RRP8: variants seen among roughly 807,000 people sequenced by gnomAD.
RRP8 encodes the protein ribosomal RNA-processing protein 8.
A neutral mutation model predicts 45.0 loss-of-function variants in RRP8; 48 were observed. The observed-to-expected ratio is 1.07, with a 90% confidence interval of 0.85 to 1.36. The LOEUF (loss-of-function observed/expected upper bound fraction) is 1.36, where lower values mean the gene tolerates loss of function less well. Among genes scored for constraint, RRP8 ranks in the 40% most tolerant of loss-of-function variants. RRP8 has a pLI of 0.00. For missense variants in RRP8, 658 were observed against 573.7 expected, an observed-to-expected ratio of 1.15 and a Z score of -1.50; for synonymous variants, 274 against 212.4, an observed-to-expected ratio of 1.29 and a Z score of -2.52.
rs1017412777 is a variant in RRP8, at chr11:6,600,471, T to A, written c.1251+15A>T. On this transcript the variant is annotated intron_variant, in intron 6 of 6. Coordinates refer to ENST00000254605, the MANE Select transcript of RRP8 (RefSeq NM_015324.4). ...CATGAGACAAAAACAGGTACAGATG[T>A]CTTGGGGCCCTCACCTTGGAGACAA... is the stretch of plus-strand genomic sequence containing the variant. The A allele has an allele frequency of 1.2e-6, 2 of 1,611,566 alleles. No individual in the cohort carries two copies. The highest frequency in any genetic ancestry group is 1.7e-6 in the Non-Finnish European group (2 of 1,178,724).
Position 6,601,538 on chromosome 11 carries a change from G to A in RRP8, c.528C>T (p.Ser176=), listed in dbSNP as rs770979413. Residue 176 remains serine, a synonymous_variant, in exon 3 of 7, where the codon TCC becomes TCT. Coordinates refer to ENST00000254605, the MANE Select transcript of RRP8 (RefSeq NM_015324.4). ...GGCTTAATGTATGAGGGGGTTTAGG[G>A]GAAGTGGACCCAGGGCTTTGCTTTG... ...DPPKQSPGST[S]PKPPHTLSRK... The A allele has an allele frequency of 6.2e-7, 1 of 1,609,042 alleles. No homozygotes were observed. The highest frequency in any genetic ancestry group is 8.5e-7 in the Non-Finnish European group (1 of 1,180,000).
chr11:6,602,140 G>C lies in RRP8; in HGVS notation c.175C>G (p.Leu59Val), dbSNP rs1854405866. The change falls in exon 2 of 7, where the codon CTA (leucine) becomes GTA (valine). Residue 59 changes from leucine (L) to valine (V), a missense_variant. Transcript: ENST00000254605. ...AASLSQHPPS[L>V]CISDSEEEEE... ...TCCTCCTCAGAGTCACTTATACATA[G>C]GCTGGGGGGATGCTGGGAAAGAGAT... 1.9e-6 allele frequency: 3 copies of C among 1,607,158 alleles called. No individual in the cohort carries two copies. Among genetic ancestry groups the C allele is most frequent in the Non-Finnish European group, 2.6e-6 (3 of 1,175,402 alleles).
chr11:6,600,142 G>T lies in RRP8; in HGVS notation c.*4C>A. Reference sequence around the variant, plus strand: ...TGCCTCCCCTTTCAAGGAAGATCCAGAGGTCACCTGCGCTTGTAGAGACAT... The same window carrying T: ...TGCCTCCCCTTTCAAGGAAGATCCATAGGTCACCTGCGCTTGTAGAGACAT... On this transcript the variant is annotated 3_prime_UTR_variant, in exon 7 of 7. Transcript: ENST00000254605. 1 of 1,562,196 alleles carries T rather than the reference G, an allele frequency of 6.4e-7. No individual in the cohort carries two copies. Among genetic ancestry groups the T allele is most frequent in the South Asian group, 1.2e-5 (1 of 84,778 alleles).
At chr11:6,603,298 T>C in intron 1 of RRP8, 106 bp downstream of exon 1, 1 of 786,470 alleles carries the variant, frequency 1.3e-6, no homozygotes, top group Non-Finnish European at 2.1e-6. Context: ...GACTCGCCCT[T>C]AACGGTGCCA....
chr11:6,602,228 A>G lies in RRP8; in HGVS notation c.100-13T>C, dbSNP rs771840379. 1.3e-6 allele frequency: 2 copies of G among 1,534,518 alleles called. No individual in the cohort carries two copies. The highest frequency in any genetic ancestry group is 1.7e-6 in the Non-Finnish European group (2 of 1,147,174). On this transcript the variant is annotated splice_polypyrimidine_tract_variant and intron_variant, in intron 1 of 6. Coordinates refer to ENST00000254605, the MANE Select transcript of RRP8 (RefSeq NM_015324.4). Reference sequence around the variant, plus strand: ...GGCGCTTGGAGCCCTGGAGGAAAACAGGGGATGACAGTGGGCCTAAAGAGA... The same window carrying G: ...GGCGCTTGGAGCCCTGGAGGAAAACGGGGGATGACAGTGGGCCTAAAGAGA...
Position 6,595,527 on chromosome 11 carries a change from G to A in RRP8, c.*4619C>T, listed in dbSNP as rs1168682583. ...ACCAATGCCAAATCACCTAACTCCAGGTTATATGACAAAAAAAAACATCTG... is the reference window on the plus strand; with the variant it reads ...ACCAATGCCAAATCACCTAACTCCAAGTTATATGACAAAAAAAAACATCTG... On this transcript the variant is annotated 3_prime_UTR_variant, in exon 7 of 7. Coordinates refer to ENST00000254605, the MANE Select transcript of RRP8 (RefSeq NM_015324.4). 5 of 151,802 alleles carry A rather than the reference G, an allele frequency of 3.3e-5. No homozygotes were observed. The highest frequency in any genetic ancestry group is 1.2e-4 in the African/African-American group (5 of 41,246). The allele number at this position is 151,802 out of a possible 1,614,324, so 9.4% of individuals were successfully genotyped here.
rs745763444 is a variant in RRP8, at chr11:6,599,563, G to A, written c.*583C>T. ...AATGGAGATGAGGGGAGAGGGGAAAGATAAACCACTAGAAATGCTCGGTAT... is the reference window on the plus strand; with the variant it reads ...AATGGAGATGAGGGGAGAGGGGAAAAATAAACCACTAGAAATGCTCGGTAT... On this transcript the variant is annotated 3_prime_UTR_variant, in exon 7 of 7. Transcript: ENST00000254605. 1 of 152,296 alleles carries A rather than the reference G, an allele frequency of 6.6e-6. No homozygotes were observed. 9.4% of individuals were successfully genotyped at this position (152,296 alleles called of 1,614,324 possible).
chr11:6,601,589 C>A lies in RRP8; in HGVS notation c.477G>T (p.Trp159Cys). The stretch of plus-strand genomic sequence containing the variant: ...GTGGATCATTTGTAGTACTACCCTT[C>A]CAGGCTTTGGGACCTACAGGGAGGG... ...DNVDQTGPKA[W>C]KGSTTNDPPK... Residue 159 changes from tryptophan (W) to cysteine (C), a missense_variant, in exon 3 of 7, where the codon TGG becomes TGT. Trp to Cys is a radical substitution (Grantham distance 215). Transcript: ENST00000254605. The A allele has an allele frequency of 6.2e-7, 1 of 1,600,214 alleles. No homozygotes were observed. Among genetic ancestry groups the A allele is most frequent in the Non-Finnish European group, 8.5e-7 (1 of 1,179,048 alleles).
In RRP8 at chr11:6,600,989, G is replaced by C. The variant is rs1564835412; in HGVS notation, c.984C>G (p.Asn328Lys). Reference protein sequence around the residue: ...GDCRLASSIRNPVHCFDLASL... With the variant: ...GDCRLASSIRKPVHCFDLASL... ...AAGCCAAGTCAAAGCAATGCACAGG[G>C]TTCCGGATACTTGAAGCCAAGCGGC... Residue 328 changes from asparagine (N) to lysine (K), a missense_variant, in exon 4 of 7, where the codon AAC becomes AAG. Physicochemically the swap from Asn to Lys is moderately conservative, Grantham distance 94. Coordinates refer to ENST00000254605, the MANE Select transcript of RRP8 (RefSeq NM_015324.4). 6.2e-7 allele frequency: 1 copy of C among 1,614,090 alleles called. No individual in the cohort carries two copies. Among genetic ancestry groups the C allele is most frequent in the South Asian group, 1.1e-5 (1 of 91,092 alleles).
chr11:6,603,080 G>A (rs542081916), intron 1 of RRP8, among the ~76,000 whole-genome samples: 1 of 152,286 alleles, frequency 6.6e-6, no homozygotes, highest in South Asian at 2.1e-4. Flanking sequence ...AACTTGAACA[G>A]CATATATGCC....
chr11:6,601,966 G>A lies in RRP8; in HGVS notation c.349C>T (p.His117Tyr), dbSNP rs1854393051. ...EEEVERKKKC[H>Y]KQALVGSDSA... is the part of the protein sequence containing the mutation. ...TCACTGCCAACAAGAGCCTGTTTGT[G>A]GCATTTCTTCTTCCTTTCTACTTCT... is the stretch of plus-strand genomic sequence containing the variant. The change falls in exon 2 of 7, where the codon CAC (histidine) becomes TAC (tyrosine). Residue 117 changes from histidine (H) to tyrosine (Y), a missense_variant. Transcript: ENST00000254605. 3 of 1,614,176 alleles carry A rather than the reference G, an allele frequency of 1.9e-6. No individual in the cohort carries two copies. Among genetic ancestry groups the A allele is most frequent in the Non-Finnish European group, 1.7e-6 (2 of 1,180,036 alleles).
In RRP8 at chr11:6,597,508, A is replaced by G. The variant is rs1162584250; in HGVS notation, c.*2638T>C. 6.7e-6 allele frequency: 1 copy of G among 150,100 alleles called. No individual in the cohort carries two copies. Among genetic ancestry groups the G allele is most frequent in the Non-Finnish European group, 1.5e-5 (1 of 67,892 alleles). 9.3% of individuals were successfully genotyped at this position (150,100 alleles called of 1,614,324 possible). ...AACAGGCCCTCCACATTACTCAGCA[A>G]TCCTTACCCCACTGCATTCTGAGTT... On this transcript the variant is annotated 3_prime_UTR_variant, in exon 7 of 7. Coordinates refer to ENST00000254605, the MANE Select transcript of RRP8 (RefSeq NM_015324.4).
At chr11:6,601,780 C>T in intron 2 of RRP8, 72 bp downstream of exon 2, 1 of 1,508,790 alleles carries the variant, frequency 6.6e-7, no homozygotes. Context: ...GATAATCACT[C>T]TTGTATGTAG....
In RRP8 at chr11:6,601,422, G is replaced by A; in HGVS notation, c.644C>T (p.Ala215Val). The change falls in exon 3 of 7, where the codon GCC becomes GTC. Residue 215 changes from alanine to valine, a missense_variant. Ala to Val is a moderately conservative substitution (Grantham distance 64). Transcript: ENST00000254605. ...AGACACCTCTGTCTTCTCTGTGGGGGCCTCAGCTGGGGCCTGGTCTGGCAC... is the reference window on the plus strand; with the variant it reads ...AGACACCTCTGTCTTCTCTGTGGGGACCTCAGCTGGGGCCTGGTCTGGCAC... Reference protein sequence around the residue: ...PQVPDQAPAEAPTEKTEVSPV... With the variant: ...PQVPDQAPAEVPTEKTEVSPV... 1 of 1,614,178 alleles carries A rather than the reference G, an allele frequency of 6.2e-7. No individual in the cohort carries two copies.
Position 6,597,165 on chromosome 11 carries a change from A to C in RRP8, c.*2981T>G, listed in dbSNP as rs1854240493. 6.6e-6 allele frequency: 1 copy of C among 152,180 alleles called. No homozygotes were observed. Among genetic ancestry groups the C allele is most frequent in the South Asian group, 2.1e-4 (1 of 4,818 alleles). The allele number at this position is 152,180 out of a possible 1,614,324, so 9.4% of individuals were successfully genotyped here. A position where few individuals can be genotyped will look rare whatever the true frequency, so the allele number is the denominator to read the frequency against. ...GCCCCAGCTAAGTCTAGGAGCCTGC[A>C]CTGGGAAAGGGAGGAGTGATTGGTA... On this transcript the variant is annotated 3_prime_UTR_variant, in exon 7 of 7. Transcript: ENST00000254605.
Position 6,600,601 on chromosome 11 carries a change from T to C in RRP8, c.1155-19A>G, listed in dbSNP as rs761486542. 1 of 1,613,222 alleles carries C rather than the reference T, an allele frequency of 6.2e-7. No individual in the cohort carries two copies. Among genetic ancestry groups the C allele is most frequent in the South Asian group, 1.1e-5 (1 of 91,046 alleles). ...GAGACCCCTGAGAAAGACAGAAAGT[T>C]CTGTGTAAGTGCACAGACTCATGCA... On this transcript the variant is annotated intron_variant, in intron 5 of 6. Transcript: ENST00000254605.
rs780699136 is a variant in RRP8, at chr11:6,600,748, C to T, written c.1075G>A (p.Val359Met). 3.2e-5 allele frequency: 52 copies of T among 1,613,976 alleles called. No individual in the cohort carries two copies. Among genetic ancestry groups the T allele is most frequent in the Non-Finnish European group, 4.2e-5 (49 of 1,180,016 alleles). ...QVPLEDESVDVAVFCLSLMGT... is the reference protein window; with the variant it reads ...QVPLEDESVDMAVFCLSLMGT... Reference sequence around the variant, plus strand: ...ATCAGTGAAAGGCAAAACACAGCCACATCCACAGACTCATCCTCCAGAGGA... The same window carrying T: ...ATCAGTGAAAGGCAAAACACAGCCATATCCACAGACTCATCCTCCAGAGGA... The change falls in exon 5 of 7, where the codon GTG becomes ATG. Residue 359 changes from valine to methionine, a missense_variant. Physicochemically the swap from Val to Met is conservative, Grantham distance 21. Coordinates refer to ENST00000254605, the MANE Select transcript of RRP8 (RefSeq NM_015324.4).
At position 6,601,532 on chromosome 11, in the gene RRP8, T is replaced by G. The variant is rs1224610239; in HGVS notation, c.534A>C (p.Lys178Asn). The change falls in exon 3 of 7, where the codon AAA becomes AAC. Residue 178 changes from lysine to asparagine, a missense_variant. Physicochemically the swap from Lys to Asn is moderately conservative, Grantham distance 94 (BLOSUM62 0). Transcript: ENST00000254605. Reference sequence around the variant, plus strand: ...GCTTGCGGCTTAATGTATGAGGGGGTTTAGGGGAAGTGGACCCAGGGCTTT... The same window carrying G: ...GCTTGCGGCTTAATGTATGAGGGGGGTTAGGGGAAGTGGACCCAGGGCTTT... ...PKQSPGSTSP[K>N]PPHTLSRKQW... 1.2e-6 allele frequency: 2 copies of G among 1,609,574 alleles called. No homozygotes were observed. Among genetic ancestry groups the G allele is most frequent in the East Asian group, 2.2e-5 (1 of 44,856 alleles).
chr11:6,602,154 T>C lies in RRP8; in HGVS notation c.161A>G (p.Gln54Arg). 6.2e-7 allele frequency: 1 copy of C among 1,604,696 alleles called. No individual in the cohort carries two copies. The highest frequency in any genetic ancestry group is 8.5e-7 in the Non-Finnish European group (1 of 1,174,260). Residue 54 changes from glutamine to arginine, a missense_variant, in exon 2 of 7, where the codon CAG becomes CGG. Physicochemically the swap from Gln to Arg is conservative, Grantham distance 43. Coordinates refer to ENST00000254605, the MANE Select transcript of RRP8 (RefSeq NM_015324.4). The stretch of plus-strand genomic sequence containing the variant: ...ACTTATACATAGGCTGGGGGGATGC[T>C]GGGAAAGAGATGCTGCCTCTAGGGC... Reference protein sequence around the residue: ...LRALEAASLSQHPPSLCISDS... With the variant: ...LRALEAASLSRHPPSLCISDS...
Sources: allele counts gnomAD v4.1 joint callset (sites outside exome capture counted in the v4.1 genomes callset), GRCh38; gene constraint gnomAD v4.1.1; transcripts MANE v1.5; gene names NCBI Gene and HGNC (gene_info 2026-07-23, HGNC 2026-07-21).